TENM1: variants seen among roughly 807,000 people sequenced by gnomAD.
TENM1 encodes the protein teneurin-1.
TENM1 carries 35 observed loss-of-function variants against 174.8 expected under a neutral mutation model. The observed-to-expected ratio is 0.20, with a 90% CI of 0.15 to 0.27. TENM1 has a LOEUF of 0.27. Ranked by LOEUF, TENM1 falls within the 10% of genes least tolerant of loss-of-function variation. The probability of loss-of-function intolerance (pLI) is 1.00; values close to 1 mark genes in which losing one functional copy is unlikely to be tolerated. For synonymous variants in TENM1, 781 were observed against 798.7 expected, an observed-to-expected ratio of 0.98 and a Z score of 0.37; for missense variants, 1,633 against 2,130.1, an observed-to-expected ratio of 0.77 and a Z score of 4.59.
chrX:125,202,801 C>T, the TENM1 span, among the ~76,000 whole-genome samples: 1 of 112,286 alleles, frequency 8.9e-6, no homozygotes, highest in African/African-American at 3.2e-5. Context: ...CATCCACTCA[C>T]CAAGTAGCGC....
chrX:124,569,017 A>T (rs1403211855), intron 11 of TENM1, among the ~76,000 whole-genome samples: 1 of 111,722 alleles, frequency 9.0e-6, no homozygotes, highest in Non-Finnish European at 1.9e-5. Flanking sequence ...CAGCCTGTGC[A>T]ACATAGTGAG....
chrX:124,748,105 AT>A (rs1398926835), intron 3 of TENM1, among the ~76,000 whole-genome samples: 1 of 111,153 alleles, frequency 9.0e-6, no homozygotes, highest in Non-Finnish European at 1.9e-5. Flanking sequence ...TCTCATCAGC[AT>A]TTGGAAACTG....
chrX:124,939,943 T>G (rs1380110312), intron 1 of TENM1, among the ~76,000 whole-genome samples: 1 of 112,091 alleles, frequency 8.9e-6, no homozygotes, highest in Non-Finnish European at 1.9e-5. Context: ...AAATATATTG[T>G]TTATTATCAA....
chrX:124,611,611 T>C (rs1422889441), intron 11 of TENM1, among the ~76,000 whole-genome samples: 1 of 111,374 alleles, frequency 9.0e-6, no homozygotes, highest in Non-Finnish European at 1.9e-5. Flanking sequence ...AGTATCTTTA[T>C]AGTAAAGATA....
chrX:125,047,442 A>G, the TENM1 span, among the ~76,000 whole-genome samples: 9 of 111,806 alleles, frequency 8.0e-5, no homozygotes, highest in Non-Finnish European at 1.7e-4. Context: ...TTAAAAATAA[A>G]TCATCAAGAA....
intron 23 of TENM1, among the ~76,000 whole-genome samples, chrX:124,442,992 T>C (rs2060920570): frequency 9.2e-6 from 1 of 108,327 alleles, no homozygotes; most frequent in African/African-American, 3.4e-5. Context: ...ACTGTTTTTT[T>C]TTTTCTTTTT....
chrX:124,946,111 A>G (rs2058398624), intron 1 of TENM1, among the ~76,000 whole-genome samples: 1 of 112,033 alleles, frequency 8.9e-6, no homozygotes, highest in Non-Finnish European at 1.9e-5. Flanking sequence ...GGCATTCCAC[A>G]TACAAGTAGC....
intron 11 of TENM1, among the ~76,000 whole-genome samples, chrX:124,611,882 T>C (rs1361204179): frequency 8.9e-6 from 1 of 112,332 alleles, no homozygotes; most frequent in African/African-American, 3.2e-5. Context: ...CACACAGTTT[T>C]AGATTCATTT....
chrX:124,670,598 A>C (rs1011380757), intron 6 of TENM1, among the ~76,000 whole-genome samples: 11 of 111,523 alleles, frequency 9.9e-5, no homozygotes, highest in Non-Finnish European at 1.9e-4. Context: ...AGCAAACCAT[A>C]ATATTTTCCT....
intron 1 of TENM1, among the ~76,000 whole-genome samples, chrX:124,948,001 A>C (rs949369417): frequency 5.4e-5 from 6 of 112,096 alleles, no homozygotes; most frequent in African/African-American, 1.9e-4. Context: ...CCATTTATTC[A>C]AACTACAACA....
At chrX:124,691,750 C>T (rs1238569582) in intron 5 of TENM1, among the ~76,000 whole-genome samples, 3 of 111,036 alleles carry the variant, frequency 2.7e-5, no homozygotes, top group East Asian at 2.8e-4. Context: ...TTGTTTCCTA[C>T]TCCATTAATT....
At chrX:125,171,516 A>G in the TENM1 span, among the ~76,000 whole-genome samples, 5 of 110,845 alleles carry the variant, frequency 4.5e-5, no homozygotes, top group African/African-American at 1.6e-4. Context: ...ATTAGGAGGT[A>G]GAGCCTTCAG....
intron 19 of TENM1, among the ~76,000 whole-genome samples, chrX:124,499,863 T>C (rs2047287401): frequency 8.9e-6 from 1 of 111,979 alleles, no homozygotes. Flanking sequence ...CAATGCACTA[T>C]AGTGTATATC....
At chrX:125,152,501 G>A in the TENM1 span, among the ~76,000 whole-genome samples, 1 of 112,158 alleles carries the variant, frequency 8.9e-6, no homozygotes, top group Non-Finnish European at 1.9e-5. Context: ...TTCAGAGAAA[G>A]CATTCCTGTG....
At chrX:124,916,620 T>C (rs1055648210) in intron 1 of TENM1, among the ~76,000 whole-genome samples, 3 of 111,521 alleles carry the variant, frequency 2.7e-5, no homozygotes, top group African/African-American at 9.8e-5. Flanking sequence ...TTAATTGTCA[T>C]TATAACAGTA....
the TENM1 span, among the ~76,000 whole-genome samples, chrX:125,112,976 G>T: frequency 4.5e-5 from 5 of 110,631 alleles, no homozygotes; most frequent in South Asian, 3.9e-4. Context: ...CAATGCAAAG[G>T]ACCTAGAAAA....
At chrX:124,960,315 A>T (rs890683436) in intron 1 of TENM1, among the ~76,000 whole-genome samples, 3 of 111,390 alleles carry the variant, frequency 2.7e-5, no homozygotes, top group African/African-American at 9.8e-5. Flanking sequence ...CTTTCTATGT[A>T]CTCTGATTCC....
At chrX:124,392,076 A>G (rs2060287649) in exon 28 of TENM1, 1 of 1,207,892 alleles carries the variant, frequency 8.3e-7, no homozygotes, top group Admixed American at 2.2e-5. Flanking sequence ...TATAGCTCCA[A>G]ATTTTCCCAT....
At position 124,794,933 on chromosome X, in the gene TENM1, T is replaced by C. The variant is rs774099484; in HGVS notation, c.536-57736A>G. On this transcript the variant is annotated intron_variant, in intron 3 of 31. Transcript: ENST00000422452. Reference sequence around the variant, plus strand: ...AGGGTCTTCCTGCCCTCACCATCCATTGAATGATTGATTTTCTCTTCTCAT... The same window carrying C: ...AGGGTCTTCCTGCCCTCACCATCCACTGAATGATTGATTTTCTCTTCTCAT... Among the ~76,000 whole-genome samples, 13 of 111,425 alleles carry C rather than the reference T, an allele frequency of 1.2e-4. No individual in the cohort carries two copies. The East Asian group carries it at 2.3e-3, about 20-fold the overall frequency.
Sources: allele counts gnomAD v4.1 joint callset (sites outside exome capture counted in the v4.1 genomes callset), GRCh38; gene constraint gnomAD v4.1.1; transcripts MANE v1.5; gene names NCBI Gene and HGNC (gene_info 2026-07-23, HGNC 2026-07-21).